RASEF: variants seen among roughly 807,000 people sequenced by gnomAD.
RASEF encodes ras and EF-hand domain-containing protein.
In RASEF, 68 loss-of-function variants were observed where a neutral mutation model predicts 90.1. That is an observed-to-expected ratio of 0.75 (90% CI 0.62 to 0.92). The LOEUF is 0.92. RASEF is among the 40% of genes least tolerant of loss of function. The pLI, the probability that RASEF is intolerant of heterozygous loss-of-function variation, is 0.00. For missense variants in RASEF, 949 were observed against 937.2 expected (o/e 1.01, Z -0.16); for synonymous variants, 331 against 345.2 (o/e 0.96, Z 0.46).
At chr9:82,998,935 T>C (rs1483674188) in intron 12 of RASEF, among the ~76,000 whole-genome samples, 1 of 152,178 alleles carries the variant, frequency 6.6e-6, no homozygotes, top group Non-Finnish European at 1.5e-5. Context: ...CGTGTGTATA[T>C]ATACACACGT....
the RASEF span, among the ~76,000 whole-genome samples, chr9:83,127,293 G>T: frequency 6.6e-6 from 1 of 152,146 alleles, no homozygotes; most frequent in Non-Finnish European, 1.5e-5. Flanking sequence ...CAAGATGATT[G>T]GTTGCCTATA....
chr9:83,188,883 G>C, the RASEF span, among the ~76,000 whole-genome samples: 625 of 152,222 alleles, frequency 4.1e-3, 3 homozygotes, highest in African/African-American at 0.014. Context: ...TCTGTCTGTG[G>C]TGTGGTACTG....
chr9:83,190,054 G>A, the RASEF span, among the ~76,000 whole-genome samples: 3 of 152,044 alleles, frequency 2.0e-5, no homozygotes, highest in African/African-American at 4.8e-5. Context: ...CCTGCAGTCC[G>A]GATTAATTAT....
intron 1 of RASEF, among the ~76,000 whole-genome samples, chr9:83,049,811 G>A (rs1404185416): frequency 9.1e-5 from 8 of 88,118 alleles, no homozygotes; most frequent in South Asian, 4.5e-4. Context: ...TTGTTCTTGC[G>A]ATAGTTTACT....
Position 83,063,059 on chromosome 9 carries a change from G to A in RASEF, c.-192C>T. On this transcript the variant is annotated 5_prime_UTR_variant, in exon 1 of 17. Coordinates refer to ENST00000376447, the MANE Select transcript of RASEF (RefSeq NM_152573.4). ...TGGCCGAGCGGCTCCCTTCGACGAC[G>A]GTTCGGGCCAGCCCCCAACAGGTCC... 1 of 588,346 alleles carries A rather than the reference G, an allele frequency of 1.7e-6. No individual in the cohort carries two copies. The highest frequency in any genetic ancestry group is 2.7e-6 in the Non-Finnish European group (1 of 365,960). 36.4% of individuals were successfully genotyped at this position (588,346 alleles called of 1,614,324 possible). A position where few individuals can be genotyped will look rare whatever the true frequency, so the allele number is the denominator to read the frequency against.
At chr9:82,988,285 T>A (rs534989529) in intron 16 of RASEF, among the ~76,000 whole-genome samples, 1 of 152,308 alleles carries the variant, frequency 6.6e-6, no homozygotes, top group East Asian at 1.9e-4. Context: ...GTGCGTGGAA[T>A]CTGTTATTCA....
At chr9:83,060,728 G>A (rs530473164) in intron 1 of RASEF, among the ~76,000 whole-genome samples, 6 of 152,328 alleles carry the variant, frequency 3.9e-5, no homozygotes, top group Non-Finnish European at 8.8e-5. Flanking sequence ...ATCTGATGCA[G>A]CAACTCAGTT....
the RASEF span, among the ~76,000 whole-genome samples, chr9:83,109,134 G>A: frequency 1.3e-5 from 2 of 152,234 alleles, no homozygotes; most frequent in Non-Finnish European, 2.9e-5. Flanking sequence ...CCAAACAATG[G>A]AGTGTATGTG....
At chr9:83,053,597 C>G (rs1177646871) in intron 1 of RASEF, among the ~76,000 whole-genome samples, 1 of 124,148 alleles carries the variant, frequency 8.1e-6, no homozygotes, top group Non-Finnish European at 1.6e-5. Flanking sequence ...ATGATGTTAG[C>G]TGGTGATTTT....
At chr9:83,005,629 C>T (rs1367104702) in intron 7 of RASEF, 129 bp from the exon 8 acceptor site, 1 of 700,330 alleles carries the variant, frequency 1.4e-6, no homozygotes. Context: ...AACTTTCCAC[C>T]ACTTCCCTTC....
intron 1 of RASEF, among the ~76,000 whole-genome samples, chr9:83,036,171 G>C (rs574262853): frequency 6.6e-6 from 1 of 152,306 alleles, no homozygotes; most frequent in African/African-American, 2.4e-5. Context: ...TTTCCTTTCA[G>C]GGGCAGGAAG....
chr9:83,183,809 A>T, the RASEF span, among the ~76,000 whole-genome samples: 803 of 152,326 alleles, frequency 5.3e-3, 7 homozygotes, highest in African/African-American at 0.018. Context: ...CAGCTCTTAA[A>T]ATGGACTGTT....
chr9:83,097,419 A>C, the RASEF span, among the ~76,000 whole-genome samples: 1 of 152,226 alleles, frequency 6.6e-6, no homozygotes, highest in Admixed American at 6.5e-5. Flanking sequence ...TAATTAAACT[A>C]AAGAGCTTCT....
chr9:83,118,741 A>G, the RASEF span, among the ~76,000 whole-genome samples: 1 of 152,222 alleles, frequency 6.6e-6, no homozygotes, highest in East Asian at 1.9e-4. Flanking sequence ...CATTAGGATC[A>G]TTATAGAGAT....
intron 1 of RASEF, among the ~76,000 whole-genome samples, chr9:83,038,390 G>A (rs1246650105): frequency 6.6e-6 from 1 of 152,034 alleles, no homozygotes; most frequent in African/African-American, 2.4e-5. Context: ...GATCTACACA[G>A]AAGAGTCAAC....
chr9:83,071,752 C>A, the RASEF span, among the ~76,000 whole-genome samples: 1 of 152,308 alleles, frequency 6.6e-6, no homozygotes, highest in East Asian at 1.9e-4. Flanking sequence ...GGATTTCATT[C>A]TAATCCAACC....
At chr9:82,991,729 G>A (rs182266593) in intron 15 of RASEF, among the ~76,000 whole-genome samples, 66 of 152,332 alleles carry the variant, frequency 4.3e-4, no homozygotes, top group African/African-American at 1.5e-3. Flanking sequence ...TGCCTTTGAG[G>A]ATGCAGGACT....
At chr9:83,102,252 A>G in the RASEF span, among the ~76,000 whole-genome samples, 1 of 152,060 alleles carries the variant, frequency 6.6e-6, no homozygotes, top group African/African-American at 2.4e-5. Flanking sequence ...AATTTTTTGT[A>G]TTTTTAGTAG....
At chr9:83,199,546 C>T in the RASEF span, among the ~76,000 whole-genome samples, 4 of 152,122 alleles carry the variant, frequency 2.6e-5, no homozygotes, top group Admixed American at 2.0e-4. Context: ...GCAGGTGACA[C>T]GCCAACAAAA....
Sources: allele counts gnomAD v4.1 joint callset (sites outside exome capture counted in the v4.1 genomes callset), GRCh38; gene constraint gnomAD v4.1.1; transcripts MANE v1.5; gene names NCBI Gene and HGNC (gene_info 2026-07-23, HGNC 2026-07-21).